ADGRD1: variants seen among roughly 807,000 people sequenced by gnomAD.
ADGRD1 encodes G-protein coupled receptor 133.
A neutral mutation model predicts 113.4 loss-of-function variants in ADGRD1; 77 were observed. The observed-to-expected ratio is 0.68, with a 90% confidence interval of 0.57 to 0.82. ADGRD1 has a LOEUF of 0.82. Ranked by LOEUF, ADGRD1 falls within the 40% of genes least tolerant of loss-of-function variation. ADGRD1 has a pLI of 0.00. For missense variants in ADGRD1, 1,036 were observed against 1,139.1 expected (o/e 0.91, Z 1.30); for synonymous variants, 474 against 475.0 (o/e 1.00, Z 0.03).
At chr12:130,974,742 T>G (rs1302582317) in intron 4 of ADGRD1, among the ~76,000 whole-genome samples, 1 of 152,128 alleles carries the variant, frequency 6.6e-6, no homozygotes, top group Non-Finnish European at 1.5e-5. Flanking sequence ...GGGACAGGGT[T>G]GATGCTGAGA....
At chr12:131,017,664 A>C (rs1878770310) in intron 13 of ADGRD1, among the ~76,000 whole-genome samples, 1 of 142,732 alleles carries the variant, frequency 7.0e-6, no homozygotes, top group Non-Finnish European at 1.5e-5. Flanking sequence ...CCCAACACAG[A>C]TACACCAACA....
At chr12:131,138,592 G>A (rs538416033) in intron 24 of ADGRD1, among the ~76,000 whole-genome samples, 142 of 152,258 alleles carry the variant, frequency 9.3e-4, no homozygotes, top group South Asian at 3.3e-3. Flanking sequence ...TTCTCACTGT[G>A]CCGCTGCTTC....
chr12:131,058,930 A>G (rs1460751604), intron 13 of ADGRD1, among the ~76,000 whole-genome samples: 2 of 152,202 alleles, frequency 1.3e-5, no homozygotes, highest in African/African-American at 4.8e-5. Context: ...AATTTTGGCC[A>G]TTGGACTGTT....
intron 15 of ADGRD1, among the ~76,000 whole-genome samples, chr12:131,089,340 A>G (rs1886739994): frequency 6.6e-6 from 1 of 152,236 alleles, no homozygotes; most frequent in Non-Finnish European, 1.5e-5. Context: ...CATTGCCTTC[A>G]GGGAACGGGG....
At chr12:131,101,373 C>CTTTTTTTTTTTTTTTTTTTTTTTTTTT (rs796951608) in intron 15 of ADGRD1, among the ~76,000 whole-genome samples, 4 of 79,350 alleles carry the variant, frequency 5.0e-5, no homozygotes, top group Non-Finnish European at 9.5e-5. Context: ...CTTTTTCTTT[C>CTTTTTTTTTTTTTTTTTTTTTTTTTTT]TTTCTTTTTT....
chr12:131,045,275 C>T (rs1882570833), intron 13 of ADGRD1, among the ~76,000 whole-genome samples: 1 of 152,258 alleles, frequency 6.6e-6, no homozygotes, highest in Non-Finnish European at 1.5e-5. Flanking sequence ...GCCCTCCGTC[C>T]AGCACTGCTT....
Position 131,057,914 on chromosome 12 carries a change from T to C in ADGRD1, c.1474-18887T>C, listed in dbSNP as rs1884013444. 6.6e-6 allele frequency among the ~76,000 whole-genome samples: 1 copy of C among 152,222 alleles called. No individual in the cohort carries two copies. Among genetic ancestry groups the C allele is most frequent in the South Asian group, 2.1e-4 (1 of 4,832 alleles). On this transcript the variant is annotated intron_variant, in intron 13 of 24. Transcript: ENST00000261654. This position sits in a 1 kb window ranked among gnomAD's most constrained non-coding sequence, Gnocchi z 4.2. ...TCCTGCAGGACTGACCGCAGCCGTC[T>C]TCGTGCTCATCTCGCTTCTTTCTTG... is the stretch of plus-strand genomic sequence containing the variant.
chr12:131,020,229 C>T lies in ADGRD1; in HGVS notation c.1473+5889C>T, dbSNP rs58347482. Among the ~76,000 whole-genome samples, 101 of 131,162 alleles carry T rather than the reference C, an allele frequency of 7.7e-4. 2 individuals carry two copies. The highest frequency in any genetic ancestry group is 1.7e-3 in the East Asian group (7 of 4,184). The allele number at this position is 131,162 out of a possible 152,430, so 86.0% of individuals were successfully genotyped here. ...GGGAGATATTCCAGGGGCAGGACCC[C>T]GAGCTCCATCCAGGGCAGGGGGTGC... On this transcript the variant is annotated intron_variant, in intron 13 of 24. Transcript: ENST00000261654.
intron 20 of ADGRD1, among the ~76,000 whole-genome samples, chr12:131,125,982 GA>G (rs1950729636): frequency 6.6e-6 from 1 of 152,184 alleles, no homozygotes. Flanking sequence ...CTGAAAAGGT[GA>G]AAAATTATTA....
intron 13 of ADGRD1, among the ~76,000 whole-genome samples, chr12:131,064,702 A>G (rs181221474): frequency 5.3e-5 from 8 of 152,354 alleles, no homozygotes; most frequent in Admixed American, 2.6e-4. Context: ...TGAGGATCCC[A>G]TATCTTCTAT....
At chr12:130,986,973 C>A in intron 5 of ADGRD1, 122 bp from the exon 6 acceptor site, 1 of 770,416 alleles carries the variant, frequency 1.3e-6, no homozygotes, top group Non-Finnish European at 2.1e-6. Flanking sequence ...TATTAGGACG[C>A]ACCACAGTTA....
At chr12:131,056,240 A>G (rs1229115579) in intron 13 of ADGRD1, among the ~76,000 whole-genome samples, 1 of 152,222 alleles carries the variant, frequency 6.6e-6, no homozygotes, top group African/African-American at 2.4e-5. Flanking sequence ...TCAGACACAC[A>G]TTAGAGGTTG....
chr12:131,077,511 C>T (rs1251050855), intron 14 of ADGRD1, among the ~76,000 whole-genome samples: 3 of 152,174 alleles, frequency 2.0e-5, no homozygotes, highest in Non-Finnish European at 4.4e-5. Context: ...CTCCCACCAT[C>T]GCTGTGATCA....
rs983409347 is a variant in ADGRD1, at chr12:130,966,346, C to G, written c.104-117C>G. 1.5e-6 allele frequency: 1 copy of G among 663,380 alleles called. No individual in the cohort carries two copies. Among genetic ancestry groups the G allele is most frequent in the African/African-American group, 1.8e-5 (1 of 55,690 alleles). 41.1% of individuals were successfully genotyped at this position (663,380 alleles called of 1,614,324 possible). On this transcript the variant is annotated intron_variant, in intron 2 of 24. Transcript: ENST00000261654. This position sits in a 1 kb window ranked among gnomAD's most constrained non-coding sequence, Gnocchi z 4.6. ...TTTATTAAATATGCTTTCAGTATCT[C>G]CCACAGACATGGGATCCTTTTACTC...
chr12:131,003,831 G>A lies in ADGRD1; in HGVS notation c.1145-355G>A, dbSNP rs1876713585. On this transcript the variant is annotated intron_variant, in intron 10 of 24. Coordinates refer to ENST00000261654, the MANE Select transcript of ADGRD1 (RefSeq NM_198827.5). The surrounding 1 kb of genome is among the most constrained non-coding windows in gnomAD (Gnocchi z 4.8). Reference sequence around the variant, plus strand: ...TTAGTCGCAGTTTGTTGGCCGTGTTGCCCTCGCCTGCTGCGCTTGGGGAGG... The same window carrying A: ...TTAGTCGCAGTTTGTTGGCCGTGTTACCCTCGCCTGCTGCGCTTGGGGAGG... Among the ~76,000 whole-genome samples, 1 of 152,158 alleles carries A rather than the reference G, an allele frequency of 6.6e-6. No homozygotes were observed. Among genetic ancestry groups the A allele is most frequent in the Admixed American group, 6.5e-5 (1 of 15,284 alleles).
In ADGRD1 at chr12:131,076,851, G is replaced by A; in HGVS notation, c.1524G>A (p.Val508=). The change falls in exon 14 of 25, where the codon GTG becomes GTA. Residue 508 remains valine (V), a synonymous_variant. Coordinates refer to ENST00000261654, the MANE Select transcript of ADGRD1 (RefSeq NM_198827.5). ...CCAACAGCAGCAACCGAGTCTTCGT[G>A]TACTGCGCCTTCCTGGACTTCAGGT... is the stretch of plus-strand genomic sequence containing the variant. ...EATNSSNRVF[V]YCAFLDFSSG... 1.2e-6 allele frequency: 2 copies of A among 1,614,126 alleles called. No individual in the cohort carries two copies. Among genetic ancestry groups the A allele is most frequent in the Non-Finnish European group, 1.7e-6 (2 of 1,179,974 alleles).
At chr12:131,036,662 G>GGGGCCTCACTCAGTACACC (rs1566052014) in intron 13 of ADGRD1, among the ~76,000 whole-genome samples, 7 of 76,722 alleles carry the variant, frequency 9.1e-5, no homozygotes, top group Admixed American at 1.3e-4. Flanking sequence ...CTCACTGCAC[G>GGGGCCTCACTCAGTACACC]GGGCCTCACT....
At chr12:130,997,271 A>G (rs1593323409) in intron 8 of ADGRD1, among the ~76,000 whole-genome samples, 1 of 111,678 alleles carries the variant, frequency 9.0e-6, no homozygotes, top group Non-Finnish European at 1.8e-5. Context: ...GGCGCCCGTC[A>G]CCTCCCGGAC....
intron 4 of ADGRD1, chr12:130,973,143 C>T (rs1871887314): frequency 6.6e-6 from 1 of 152,310 alleles, no homozygotes; most frequent in Non-Finnish European, 1.5e-5. Context: ...TCGCGGTGGC[C>T]CTGGACTTCC....
Sources: allele counts gnomAD v4.1 joint callset (sites outside exome capture counted in the v4.1 genomes callset), GRCh38; gene constraint gnomAD v4.1.1; non-coding constraint Gnocchi (gnomAD v3.1); transcripts MANE v1.5; gene names NCBI Gene and HGNC (gene_info 2026-07-23, HGNC 2026-07-21).